The following CEP70 variants were observed in gnomAD, a reference collection of about 807,000 sequenced individuals.
CEP70 encodes centrosomal protein 70.
CEP70 carries 70 observed loss-of-function variants against 90.9 expected under a neutral mutation model. That is an observed-to-expected ratio of 0.77 (90% CI 0.64 to 0.94). CEP70 has a LOEUF of 0.94. Ranked by LOEUF, CEP70 falls within the 40% of genes least tolerant of loss-of-function variation. The pLI is 0.00. For synonymous variants in CEP70, 220 were observed against 228.3 expected, an observed-to-expected ratio of 0.96 and a Z score of 0.33; for missense variants, 648 against 669.0, an observed-to-expected ratio of 0.97 and a Z score of 0.35.
chr3:138,543,351 G>A (rs2038916634), intron 6 of CEP70, among the ~76,000 whole-genome samples: 1 of 152,208 alleles, frequency 6.6e-6, no homozygotes, highest in Non-Finnish European at 1.5e-5. Flanking sequence ...TAGGGGGCTG[G>A]CATGTCAGCA....
chr3:138,553,197 C>T (rs1185955471), intron 6 of CEP70, among the ~76,000 whole-genome samples: 1 of 152,054 alleles, frequency 6.6e-6, no homozygotes, highest in African/African-American at 2.4e-5. Context: ...AAAAAAATAC[C>T]GGCTGGGCAC....
At chr3:138,524,566 GA>G (rs1292215268) in intron 11 of CEP70, among the ~76,000 whole-genome samples, 7 of 151,990 alleles carry the variant, frequency 4.6e-5, no homozygotes, top group African/African-American at 1.7e-4. Context: ...AAATTTACAA[GA>G]AAAAAACCAA....
intron 11 of CEP70, among the ~76,000 whole-genome samples, chr3:138,510,014 C>T (rs1279768613): frequency 6.6e-6 from 1 of 151,918 alleles, no homozygotes; most frequent in Non-Finnish European, 1.5e-5. Context: ...TGAAAGTTCT[C>T]CACTTAAGAA....
At chr3:138,571,007 C>G (rs754086724) in intron 5 of CEP70, 27 bp downstream of exon 5, 4 of 1,510,622 alleles carry the variant, frequency 2.6e-6, no homozygotes, top group Non-Finnish European at 3.5e-6. Context: ...ACAAACAATT[C>G]AAAAGAAATC....
chr3:138,538,833 T>C (rs2038510092), intron 6 of CEP70, among the ~76,000 whole-genome samples: 1 of 152,230 alleles, frequency 6.6e-6, no homozygotes, highest in Non-Finnish European at 1.5e-5. Flanking sequence ...TTTTACTTCT[T>C]CTTGAGCCAG....
rs922861551 is a variant in CEP70, at chr3:138,496,131, A to C, written c.1733-1055T>G. The stretch of plus-strand genomic sequence containing the variant: ...CCAGCCCTACTTAAGGTAAGCCACA[A>C]TGGCAGGTTCTCTAGATACCCACAC... On this transcript the variant is annotated intron_variant, in intron 17 of 17. Transcript: ENST00000264982. 8 of 985,326 alleles carry C rather than the reference A, an allele frequency of 8.1e-6. No homozygotes were observed. The African/African-American group carries it at 1.4e-4, about 17-fold the overall frequency. The allele number at this position is 985,326 out of a possible 1,614,324, so 61.0% of individuals were successfully genotyped here.
chr3:138,572,169 A>G (rs1382262621), intron 3 of CEP70, among the ~76,000 whole-genome samples: 1 of 152,216 alleles, frequency 6.6e-6, no homozygotes, highest in African/African-American at 2.4e-5. Context: ...TCCTTGTCAA[A>G]TGGACAAGGT....
At chr3:138,560,998 C>A (rs777268967) in intron 6 of CEP70, among the ~76,000 whole-genome samples, 3 of 152,166 alleles carry the variant, frequency 2.0e-5, no homozygotes, top group Non-Finnish European at 4.4e-5. Context: ...AGCAGATCTC[C>A]TAGCACGTTC....
intron 7 of CEP70, among the ~76,000 whole-genome samples, chr3:138,535,758 C>G (rs1262200997): frequency 6.6e-6 from 1 of 152,042 alleles, no homozygotes; most frequent in Non-Finnish European, 1.5e-5. Flanking sequence ...GTCATCTTAA[C>G]TGTTTTTTGT....
At position 138,571,174 on chromosome 3, in the gene CEP70, T is replaced by C. The variant is rs200454602; in HGVS notation, c.161-17A>G. The C allele has an allele frequency of 7.0e-6, 11 of 1,563,096 alleles. No individual in the cohort carries two copies. The Admixed American group carries it at 9.5e-5, about 13-fold the overall frequency. ...TGATGAGATCTACATTTAAAAAGTA[T>C]ATAATACAGATAGTAAAAATAAAAG... On this transcript the variant is annotated splice_polypyrimidine_tract_variant and intron_variant, in intron 4 of 17. Coordinates refer to ENST00000264982, the MANE Select transcript of CEP70 (RefSeq NM_024491.4).
At chr3:138,513,589 A>C (rs1211197187) in intron 11 of CEP70, among the ~76,000 whole-genome samples, 1 of 152,178 alleles carries the variant, frequency 6.6e-6, no homozygotes, top group Non-Finnish European at 1.5e-5. Flanking sequence ...GAAAAATGCA[A>C]CACTGAAGAG....
At chr3:138,584,132 C>T (rs1560463618) in intron 2 of CEP70, among the ~76,000 whole-genome samples, 1 of 151,968 alleles carries the variant, frequency 6.6e-6, no homozygotes, top group Non-Finnish European at 1.5e-5. Flanking sequence ...TTAGAGCCTA[C>T]TAGGAGCAAC....
chr3:138,538,337 G>A (rs1323723279), intron 6 of CEP70, among the ~76,000 whole-genome samples: 2 of 152,158 alleles, frequency 1.3e-5, no homozygotes, highest in Non-Finnish European at 2.9e-5. Context: ...CGCTGGGTAT[G>A]AAACCCTAGC....
chr3:138,562,243 A>C (rs1326577197), intron 6 of CEP70, among the ~76,000 whole-genome samples: 1 of 152,182 alleles, frequency 6.6e-6, no homozygotes, highest in Non-Finnish European at 1.5e-5. Flanking sequence ...TGTACCTGAA[A>C]GTGACGGGGA....
intron 6 of CEP70, among the ~76,000 whole-genome samples, chr3:138,563,898 T>C (rs76217181): frequency 6.6e-6 from 1 of 152,034 alleles, no homozygotes; most frequent in Non-Finnish European, 1.5e-5. Context: ...AAAAAATCAA[T>C]GAATCCAGGA....
chr3:138,496,581 CTCAG>C, intron 17 of CEP70: 1 of 985,358 alleles, frequency 1.0e-6, no homozygotes, highest in African/African-American at 1.7e-5. Context: ...TGGGAATTTC[CTCAG>C]TCAATCACAC....
chr3:138,506,456 T>A (rs997062988), intron 12 of CEP70, among the ~76,000 whole-genome samples: 2 of 152,024 alleles, frequency 1.3e-5, no homozygotes, highest in Non-Finnish European at 2.9e-5. Context: ...ACCTTACATA[T>A]CATCCGAGGA....
chr3:138,583,359 T>C (rs968411805), intron 2 of CEP70, among the ~76,000 whole-genome samples: 1 of 152,226 alleles, frequency 6.6e-6, no homozygotes, highest in African/African-American at 2.4e-5. Context: ...TCAATAATAG[T>C]TGAAGACTTC....
At chr3:138,591,820 C>G (rs900901636) in intron 2 of CEP70, 34 bp downstream of exon 2, 6 of 1,525,716 alleles carry the variant, frequency 3.9e-6, no homozygotes, top group Admixed American at 3.9e-5. Flanking sequence ...CATGGCCTCC[C>G]AACATCTGGA....
Sources: gnomAD v4.1 joint callset for allele counts (sites outside exome capture counted in the v4.1 genomes callset) on GRCh38, gnomAD v4.1.1 for gene constraint, MANE v1.5 for transcripts, NCBI Gene and HGNC (gene_info 2026-07-23, HGNC 2026-07-21) for gene names.